Variants in FOXN3 observed in about 807,000 individuals in gnomAD.
FOXN3 encodes the protein forkhead box N3.
A neutral mutation model predicts 38.4 loss-of-function variants in FOXN3; 7 were observed. The ratio of observed to expected loss-of-function variants is 0.18; its 90% CI spans 0.10 to 0.34. FOXN3 has a LOEUF of 0.34. Among genes scored for constraint, FOXN3 ranks in the 10% least tolerant of loss-of-function variants. FOXN3 has a pLI of 1.00. For synonymous variants in FOXN3, 230 were observed against 242.2 expected, an observed-to-expected ratio of 0.95 and a Z score of 0.47; for missense variants, 456 against 613.4, an observed-to-expected ratio of 0.74 and a Z score of 2.71.
chr14:89,381,861 GGGGAA>G, intron 2 of FOXN3, among the ~76,000 whole-genome samples: 1 of 151,818 alleles, frequency 6.6e-6, no homozygotes, highest in Non-Finnish European at 1.5e-5. Flanking sequence ...GGGGAGGGGA[GGGGAA>G]GGGAAGGGGA....
chr14:89,557,800 G>T (rs951298867), intron 1 of FOXN3, among the ~76,000 whole-genome samples: 3 of 152,108 alleles, frequency 2.0e-5, no homozygotes, highest in African/African-American at 7.2e-5. Context: ...GAGGCCAGAA[G>T]TTTGAGAGCA....
chr14:89,210,580 A>G lies in FOXN3; in HGVS notation c.746-29774T>C, dbSNP rs1443371060. ...GTTTTGCTTTGCTGCTCAGTAAATC[A>G]GCCTCTACTATATTTATCCCTAAGT... On this transcript the variant is annotated intron_variant, in intron 4 of 5. Transcript: ENST00000557258. Among the ~76,000 whole-genome samples the G allele has an allele frequency of 2.0e-5, 3 of 152,234 alleles. No homozygotes were observed. In the East Asian group the frequency reaches 5.8e-4, roughly 29 times the overall value.
At position 89,417,066 on chromosome 14, in the gene FOXN3, G is replaced by C. The variant is rs1281289845; in HGVS notation, c.-210C>G. On this transcript the variant is annotated 5_prime_UTR_variant, in exon 1 of 6. Coordinates refer to ENST00000557258, the MANE Select transcript of FOXN3 (RefSeq NM_005197.4). ...GGCAGGGGCGCGGGGGTCGCGGCGC[G>C]GCATGGGACCTGCGGCGTCCGCCGG... is the stretch of plus-strand genomic sequence containing the variant. The C allele has an allele frequency of 1.4e-5, 2 of 144,046 alleles. No homozygotes were observed. Among genetic ancestry groups the C allele is most frequent in the Non-Finnish European group, 3.1e-5 (2 of 64,960 alleles). 8.9% of individuals were successfully genotyped at this position (144,046 alleles called of 1,614,324 possible).
At chr14:89,221,952 A>G (rs983817575) in intron 4 of FOXN3, among the ~76,000 whole-genome samples, 2 of 152,068 alleles carry the variant, frequency 1.3e-5, no homozygotes, top group African/African-American at 4.8e-5. Context: ...CCTTCCAAGT[A>G]GCTGGGACTA....
intron 4 of FOXN3, among the ~76,000 whole-genome samples, chr14:89,205,219 G>T: frequency 6.6e-6 from 1 of 152,074 alleles, no homozygotes; most frequent in South Asian, 2.1e-4. Flanking sequence ...TGATCAGAAT[G>T]TGTGTGTCCC....
chr14:89,193,534 C>A (rs745942560), intron 4 of FOXN3, among the ~76,000 whole-genome samples: 1 of 152,016 alleles, frequency 6.6e-6, no homozygotes, highest in Non-Finnish European at 1.5e-5. Context: ...ACCCCCCACC[C>A]CCCCACCTTC....
rs1039543655 is a variant in FOXN3, at chr14:89,254,174, C to T, written c.745+26776G>A. ...GGATCATAATGGCCCCTTCCTCACA[C>T]GTTTCTGTAGGATGAATGAGTTAAA... On this transcript the variant is annotated intron_variant, in intron 4 of 5. Transcript: ENST00000557258. 2.5e-4 allele frequency among the ~76,000 whole-genome samples: 38 copies of T among 152,288 alleles called. 1 individual carries two copies. The highest frequency in any genetic ancestry group is 1.2e-3 in the South Asian group (6 of 4,822).
intron 4 of FOXN3, among the ~76,000 whole-genome samples, chr14:89,205,635 G>A (rs1888362661): frequency 6.6e-6 from 1 of 152,214 alleles, no homozygotes; most frequent in Admixed American, 6.5e-5. Context: ...TCTGCTCCAT[G>A]CCAGGGGAAG....
chr14:89,520,017 C>CTTTTTTTTTTTTTTTTTTTTTTTTTT (rs56854196), intron 1 of FOXN3, among the ~76,000 whole-genome samples: 3 of 132,446 alleles, frequency 2.3e-5, no homozygotes, highest in African/African-American at 8.1e-5. Flanking sequence ...TTCTTTTTTT[C>CTTTTTTTTTTTTTTTTTTTTTTTTTT]TTTTTTTTTT....
intron 1 of FOXN3, among the ~76,000 whole-genome samples, chr14:89,530,885 C>T (rs1003997264): frequency 1.1e-4 from 17 of 149,324 alleles, no homozygotes; most frequent in South Asian, 2.1e-4. Context: ...GCTGGGATTA[C>T]GGTGTGAGCC....
At chr14:89,435,084 T>C (rs1485883349) in intron 1 of FOXN3, among the ~76,000 whole-genome samples, 2 of 152,112 alleles carry the variant, frequency 1.3e-5, no homozygotes, top group Admixed American at 6.6e-5. Context: ...AAAACTCTCT[T>C]ACTAAGGCAG....
chr14:89,343,752 G>T lies in FOXN3; in HGVS notation c.680+6920C>A, dbSNP rs540596083. 4.8e-4 allele frequency among the ~76,000 whole-genome samples: 71 copies of T among 147,066 alleles called. 1 individual carries two copies. In the South Asian group the frequency reaches 0.014, roughly 30 times the overall value. The stretch of plus-strand genomic sequence containing the variant: ...AAAAAAAAAAAAGATGAGAGTAAAA[G>T]AAACTTTATTTTGGTTGGTTTGTTT... On this transcript the variant is annotated intron_variant, in intron 3 of 5. Transcript: ENST00000557258.
At position 89,234,454 on chromosome 14, in the gene FOXN3, T is replaced by C. The variant is rs528695917; in HGVS notation, c.745+46496A>G. Among the ~76,000 whole-genome samples the C allele has an allele frequency of 2.6e-5, 4 of 152,268 alleles. No homozygotes were observed. The East Asian group carries it at 7.7e-4, about 29-fold the overall frequency. On this transcript the variant is annotated intron_variant, in intron 4 of 5. Coordinates refer to ENST00000557258, the MANE Select transcript of FOXN3 (RefSeq NM_005197.4). The stretch of plus-strand genomic sequence containing the variant: ...CTGAGTCTCCACCCAAATCTCATGT[T>C]GAATTGAAACCCCAGTGTTGGAGGC...
chr14:89,540,808 A>G (rs1424778634), intron 1 of FOXN3, among the ~76,000 whole-genome samples: 1 of 152,168 alleles, frequency 6.6e-6, no homozygotes, highest in Non-Finnish European at 1.5e-5. Context: ...AGGATAAAAC[A>G]TCCAAAGACT....
chr14:89,193,132 G>A (rs1888005417), intron 4 of FOXN3, among the ~76,000 whole-genome samples: 1 of 151,980 alleles, frequency 6.6e-6, no homozygotes, highest in Non-Finnish European at 1.5e-5. Context: ...CCATTATTGA[G>A]AACGAAAGTG....
chr14:89,184,806 G>A (rs979949248), intron 4 of FOXN3, among the ~76,000 whole-genome samples: 7 of 152,258 alleles, frequency 4.6e-5, no homozygotes, highest in African/African-American at 7.2e-5. Flanking sequence ...CATCGTCATC[G>A]TCACCGTCAT....
chr14:89,366,017 C>T (rs1041584343), intron 2 of FOXN3, among the ~76,000 whole-genome samples: 6 of 151,986 alleles, frequency 3.9e-5, no homozygotes, highest in Non-Finnish European at 7.3e-5. Flanking sequence ...TTTGGGAGGC[C>T]GAGGCGGGTG....
intron 1 of FOXN3, among the ~76,000 whole-genome samples, chr14:89,606,513 TG>T (rs1896279731): frequency 6.6e-6 from 1 of 152,198 alleles, no homozygotes. Context: ...CCTGAACATA[TG>T]TATCTAATAC....
At chr14:89,271,568 C>T (rs1334844403) in intron 4 of FOXN3, among the ~76,000 whole-genome samples, 1 of 152,216 alleles carries the variant, frequency 6.6e-6, no homozygotes, top group Non-Finnish European at 1.5e-5. Context: ...ATAAAATTCA[C>T]ATAGACTAAA....
Sources: gnomAD v4.1 joint callset for allele counts (sites outside exome capture counted in the v4.1 genomes callset) on GRCh38, gnomAD v4.1.1 for gene constraint, MANE v1.5 for transcripts, NCBI Gene and HGNC (gene_info 2026-07-23, HGNC 2026-07-21) for gene names.